Variants in CACNG6 observed in about 807,000 individuals in gnomAD.
CACNG6 encodes the protein calcium voltage-gated channel auxiliary subunit gamma 6.
CACNG6 carries 21 observed loss-of-function variants against 23.9 expected under a neutral mutation model. That is an observed-to-expected ratio of 0.88 (90% CI 0.62 to 1.26). The LOEUF is 1.26. Among genes scored for constraint, CACNG6 ranks in the 50% most tolerant of loss-of-function variants. CACNG6 has a pLI of 0.00. For synonymous variants in CACNG6, 182 were observed against 168.9 expected (o/e 1.08, Z -0.60); for missense variants, 340 against 352.9 (o/e 0.96, Z 0.29).
intron 3 of CACNG6, among the ~76,000 whole-genome samples, chr19:54,010,427 G>A (rs2069693970): frequency 6.6e-6 from 1 of 152,058 alleles, no homozygotes. Context: ...TGGGATTGTA[G>A]GTGTGCCTGG....
intron 3 of CACNG6, among the ~76,000 whole-genome samples, chr19:54,010,250 G>C (rs2069691813): frequency 6.6e-6 from 1 of 152,012 alleles, no homozygotes; most frequent in South Asian, 2.1e-4. Flanking sequence ...CTGACCTCAG[G>C]TGATCCACCC....
intron 3 of CACNG6, among the ~76,000 whole-genome samples, chr19:54,000,497 T>C (rs1161609085): frequency 1.3e-5 from 2 of 152,230 alleles, no homozygotes; most frequent in East Asian, 1.9e-4. Flanking sequence ...CCCTCAGTAA[T>C]AAACAACACT....
intron 3 of CACNG6, among the ~76,000 whole-genome samples, chr19:54,002,275 G>GTTTTTTTTTTTTTTTTTTTTTTT (rs1174799698): frequency 5.2e-5 from 6 of 116,434 alleles, no homozygotes; most frequent in Admixed American, 2.6e-4. Flanking sequence ...CGGTTTTTTT[G>GTTTTTTTTTTTTTTTTTTTTTTT]TTTTTTTTGT....
intron 1 of CACNG6, among the ~76,000 whole-genome samples, chr19:53,995,973 A>T (rs2069517200): frequency 6.6e-6 from 1 of 151,728 alleles, no homozygotes; most frequent in Non-Finnish European, 1.5e-5. Flanking sequence ...AGCATCCTCT[A>T]CCTCTTGCTG....
intron 1 of CACNG6, among the ~76,000 whole-genome samples, chr19:53,995,246 G>A (rs1279765137): frequency 2.0e-5 from 3 of 152,078 alleles, no homozygotes; most frequent in African/African-American, 7.2e-5. Context: ...ATTGTATGGG[G>A]TTCCTTGCAT....
At chr19:54,002,041 C>T (rs1235870806) in intron 3 of CACNG6, among the ~76,000 whole-genome samples, 1 of 151,858 alleles carries the variant, frequency 6.6e-6, no homozygotes, top group Non-Finnish European at 1.5e-5. Flanking sequence ...TCCTTCTCTC[C>T]CCTTCCTTCC....
intron 3 of CACNG6, among the ~76,000 whole-genome samples, chr19:54,002,862 G>A (rs1293555435): frequency 2.0e-5 from 3 of 152,156 alleles, no homozygotes; most frequent in Admixed American, 6.5e-5. Context: ...ATAAAGGGTC[G>A]TGTTCAGGTT....
rs752323133 is a variant in CACNG6 at position 53,998,305 on chromosome 19, CAAAG to C, written c.403_406del (p.Lys135ArgfsTer2). ...AATGCACGCATCTTTCAGAGAACCA[CAAAG>C]AAAGGTGAGAACTTTTCACCCCCTG... On this transcript the variant is annotated frameshift_variant, in exon 2 of 4. Transcript: ENST00000252729. LOFTEE classifies it high-confidence loss of function. 6.2e-7 allele frequency: 1 copy of C among 1,613,854 alleles called. No individual in the cohort carries two copies. The highest frequency in any genetic ancestry group is 8.5e-7 in the Non-Finnish European group (1 of 1,179,872).
At chr19:53,998,007 G>A (rs111674959) in intron 1 of CACNG6, among the ~76,000 whole-genome samples, 2,028 of 152,226 alleles carry the variant, frequency 0.013, 43 homozygotes, top group African/African-American at 0.047. Flanking sequence ...GGCTAATGGC[G>A]CACTTGGGGC....
At chr19:53,998,045 T>C (rs1206192021) in intron 1 of CACNG6, among the ~76,000 whole-genome samples, 194 bp from the exon 2 acceptor site, 2 of 152,098 alleles carry the variant, frequency 1.3e-5, no homozygotes, top group Non-Finnish European at 2.9e-5. Flanking sequence ...GAGCCCCGGG[T>C]AGGAGTCCCA....
At chr19:54,010,332 T>C (rs2069692815) in intron 3 of CACNG6, among the ~76,000 whole-genome samples, 1 of 152,012 alleles carries the variant, frequency 6.6e-6, no homozygotes, top group Non-Finnish European at 1.5e-5. Flanking sequence ...GTATTTTTAG[T>C]AGAGATGGGA....
At chr19:53,994,573 C>T (rs1024129601) in intron 1 of CACNG6, among the ~76,000 whole-genome samples, 1 of 152,166 alleles carries the variant, frequency 6.6e-6, no homozygotes, top group Non-Finnish European at 1.5e-5. Context: ...CCCATTTGGG[C>T]TGTCATATAT....
In CACNG6 at chr19:53,993,083, A is replaced by AG. The variant is rs1463502424; in HGVS notation, c.208dup (p.Ala70GlyfsTer49). 1 of 1,543,004 alleles carries AG rather than the reference A, an allele frequency of 6.5e-7. No individual in the cohort carries two copies. Among genetic ancestry groups the AG allele is most frequent in the Admixed American group, 2.0e-5 (1 of 50,098 alleles). ...TTCTGGGTGGAGCTCAACACCTACA[A>AG]GGCCAACGGCAGCGCCGTGTGCGAA... is the stretch of plus-strand genomic sequence containing the variant. On this transcript the variant is annotated frameshift_variant, in exon 1 of 4. Coordinates refer to ENST00000252729, the MANE Select transcript of CACNG6 (RefSeq NM_145814.2). LOFTEE classifies it high-confidence loss of function.
At chr19:53,999,843 G>T in intron 3 of CACNG6, 72 bp downstream of exon 3, 1 of 1,567,300 alleles carries the variant, frequency 6.4e-7, no homozygotes. Flanking sequence ...TGCATGCTGG[G>T]AGATGGGGTC....
chr19:53,998,985 G>T (rs1600056274), intron 2 of CACNG6, among the ~76,000 whole-genome samples: 1 of 152,246 alleles, frequency 6.6e-6, no homozygotes. Flanking sequence ...CAGTAGCCCT[G>T]CAGGGTGGGG....
intron 3 of CACNG6, among the ~76,000 whole-genome samples, chr19:54,005,319 G>A (rs2069631614): frequency 6.6e-6 from 1 of 151,658 alleles, no homozygotes; most frequent in African/African-American, 2.4e-5. Context: ...CCAGCACTTT[G>A]GGAGGGCGAG....
In CACNG6 at chr19:54,011,978, T is replaced by C; in HGVS notation, c.572T>C (p.Val191Ala). The change falls in exon 4 of 4, where the codon GTG becomes GCG. Residue 191 changes from valine to alanine, a missense_variant. Transcript: ENST00000252729. ...SGLLLLVSLE[V>A]FRHSVRALLQ... is the part of the protein sequence containing the mutation. ...CTGCTGCTCTTGGTGAGCCTGGAGG[T>C]GTTCCGGCATTCCGTGAGGGCCCTG... The C allele has an allele frequency of 6.3e-7, 1 of 1,581,830 alleles. No individual in the cohort carries two copies. The highest frequency in any genetic ancestry group is 1.2e-5 in the South Asian group (1 of 86,794).
rs1169507862 is a variant in CACNG6, at chr19:54,002,272, TTTGTTTTTTTTG to T, written c.544+2504_544+2515del. On this transcript the variant is annotated intron_variant, in intron 3 of 3. Coordinates refer to ENST00000252729, the MANE Select transcript of CACNG6 (RefSeq NM_145814.2). ...CCAAGCCCGGCTAATTTTCGGTTTT[TTTGTTTTTTTTG>T]TTTTTTTTTTTTTTGTAGAGATAGG... 5.5e-3 allele frequency among the ~76,000 whole-genome samples: 739 copies of T among 134,276 alleles called. 28 individuals are homozygous for T. The highest frequency in any genetic ancestry group is 0.024 in the African/African-American group (685 of 28,972). 88.1% of individuals were successfully genotyped at this position (134,276 alleles called of 152,430 possible).
rs571058523 is a variant in CACNG6 at position 53,998,424 on chromosome 19, G to C, written c.406+111G>C. Reference sequence around the variant, plus strand: ...TCTGCTTTACCCCAGGGCAGGTCTCGTGTCTATAATCTGTGGCTGTCCCCT... The same window carrying C: ...TCTGCTTTACCCCAGGGCAGGTCTCCTGTCTATAATCTGTGGCTGTCCCCT... On this transcript the variant is annotated intron_variant, in intron 2 of 3. Transcript: ENST00000252729. The C allele has an allele frequency of 3.3e-6, 3 of 908,012 alleles. No homozygotes were observed. The Admixed American group carries it at 6.3e-5, about 19-fold the overall frequency. The allele number at this position is 908,012 out of a possible 1,614,324, so 56.2% of individuals were successfully genotyped here. A position where few individuals can be genotyped will look rare whatever the true frequency, so the allele number is the denominator to read the frequency against.
Sources: gnomAD v4.1 joint callset for allele counts (sites outside exome capture counted in the v4.1 genomes callset) on GRCh38, gnomAD v4.1.1 for gene constraint, MANE v1.5 for transcripts, NCBI Gene and HGNC (gene_info 2026-07-23, HGNC 2026-07-21) for gene names.